The following ERC2 variants were observed in gnomAD, a reference collection of about 807,000 sequenced individuals.
The protein encoded by ERC2 is ELKS/RAB6-interacting/CAST family member 2, also known as ERC protein 2.
Under a neutral mutation model 114.8 loss-of-function variants are expected in ERC2, and 42 were observed. That is an observed-to-expected ratio of 0.37 (90% CI 0.29 to 0.47). ERC2 has a LOEUF of 0.47. Ranked by LOEUF, ERC2 falls within the 20% of genes least tolerant of loss-of-function variation. The pLI is 0.99. For missense variants in ERC2, 939 were observed against 1,150.7 expected (o/e 0.82, Z 2.66); for synonymous variants, 454 against 425.5 (o/e 1.07, Z -0.82).
chr3:55,682,142 T>C (rs1488572583), intron 17 of ERC2, among the ~76,000 whole-genome samples: 7 of 152,236 alleles, frequency 4.6e-5, no homozygotes. Context: ...TTTAGGTCAA[T>C]TGCCACTTTT....
intron 14 of ERC2, among the ~76,000 whole-genome samples, chr3:55,812,565 C>T (rs1398458489): frequency 2.0e-5 from 3 of 152,088 alleles, no homozygotes; most frequent in African/African-American, 7.2e-5. Flanking sequence ...CCACAGGGCA[C>T]CCAACTACAA....
chr3:56,187,328 G>T (rs747866826), intron 3 of ERC2, among the ~76,000 whole-genome samples: 2 of 152,146 alleles, frequency 1.3e-5, no homozygotes, highest in African/African-American at 2.4e-5. Context: ...CCAGCAAAAG[G>T]GTTGCTAGGG....
At chr3:55,587,158 TTTTC>T (rs551860518) in intron 17 of ERC2, among the ~76,000 whole-genome samples, 8 of 152,072 alleles carry the variant, frequency 5.3e-5, no homozygotes, top group East Asian at 1.9e-4. Flanking sequence ...TTCCTTTTTC[TTTTC>T]TTTCTTTCTT....
At chr3:56,284,645 A>C (rs567283011) in intron 3 of ERC2, among the ~76,000 whole-genome samples, 112 of 152,190 alleles carry the variant, frequency 7.4e-4, no homozygotes, top group Non-Finnish European at 1.4e-3. Context: ...CAGGGATGAC[A>C]ACCTTTACTG....
rs79797732 is a variant in ERC2 at position 56,351,641 on chromosome 3, C to T, written c.658-55206G>A. On this transcript the variant is annotated intron_variant, in intron 2 of 17. Transcript: ENST00000288221. ...GATGTGAAGAGGAAGGAGGTTCACA[C>T]TCAGAAAGGCAGGAGAACTATTTTG... Among the ~76,000 whole-genome samples the T allele has an allele frequency of 8.9e-3, 1,355 of 152,342 alleles. 19 individuals carry two copies. Among genetic ancestry groups the T allele is most frequent in the African/African-American group, 0.029 (1,202 of 41,578 alleles).
intron 1 of ERC2, among the ~76,000 whole-genome samples, chr3:56,438,485 C>T (rs919355217): frequency 1.3e-5 from 2 of 152,140 alleles, no homozygotes; most frequent in Admixed American, 6.5e-5. Context: ...CAGTGATTGG[C>T]CTTCTGTGCA....
intron 14 of ERC2, among the ~76,000 whole-genome samples, chr3:55,737,669 G>T (rs1041601539): frequency 3.9e-5 from 6 of 152,240 alleles, no homozygotes; most frequent in African/African-American, 1.4e-4. Flanking sequence ...GACATATGCA[G>T]GTATTTAAAA....
intron 2 of ERC2, among the ~76,000 whole-genome samples, chr3:56,349,432 A>G (rs534630872): frequency 6.4e-4 from 98 of 152,366 alleles, no homozygotes; most frequent in Middle Eastern, 3.4e-3. Flanking sequence ...TATAATTACC[A>G]GATGTGAACT....
intron 17 of ERC2, among the ~76,000 whole-genome samples, chr3:55,523,910 A>T (rs1192874155): frequency 1.3e-5 from 2 of 152,250 alleles, no homozygotes. Context: ...CATAAGCACT[A>T]AAAGTGAGAG....
intron 2 of ERC2, among the ~76,000 whole-genome samples, chr3:56,356,751 T>C (rs1423761482): frequency 6.6e-6 from 1 of 152,138 alleles, no homozygotes; most frequent in Non-Finnish European, 1.5e-5. Flanking sequence ...CTCACAATAT[T>C]CTCTGGATAC....
intron 14 of ERC2, among the ~76,000 whole-genome samples, chr3:55,885,283 A>G (rs1464914499): frequency 6.6e-6 from 1 of 152,228 alleles, no homozygotes; most frequent in African/African-American, 2.4e-5. Context: ...TCAAGTAACC[A>G]GTGTGTCAAT....
intron 2 of ERC2, among the ~76,000 whole-genome samples, chr3:56,311,255 CTATATATATATATATA>C (rs67320179): frequency 1.3e-5 from 1 of 79,076 alleles, no homozygotes; most frequent in Admixed American, 1.5e-4. Context: ...CTCTCTCTCT[CTATATATATATATATA>C]TATATATATA....
chr3:55,662,128 G>C (rs1212717201), intron 17 of ERC2, among the ~76,000 whole-genome samples: 1 of 152,216 alleles, frequency 6.6e-6, no homozygotes. Flanking sequence ...GGAAACTCAA[G>C]ACTCAGATTG....
intron 6 of ERC2, 57 bp downstream of exon 6, chr3:56,139,452 G>A: frequency 6.5e-7 from 1 of 1,543,678 alleles, no homozygotes; most frequent in African/African-American, 1.4e-5. Context: ...GTTCAGGTAG[G>A]GCAATTTCTA....
chr3:55,679,308 G>T (rs2061951551), intron 17 of ERC2, among the ~76,000 whole-genome samples: 1 of 152,128 alleles, frequency 6.6e-6, no homozygotes, highest in South Asian at 2.1e-4. Context: ...TGCACGCCTT[G>T]GCATGGATAC....
At chr3:55,921,493 T>C (rs1465679116) in intron 13 of ERC2, among the ~76,000 whole-genome samples, 1 of 152,122 alleles carries the variant, frequency 6.6e-6, no homozygotes, top group Admixed American at 6.6e-5. Flanking sequence ...GAATTCTCAA[T>C]ATGACAGTTC....
chr3:55,927,165 T>C (rs891550520), intron 13 of ERC2, among the ~76,000 whole-genome samples: 1 of 152,166 alleles, frequency 6.6e-6, no homozygotes, highest in Non-Finnish European at 1.5e-5. Flanking sequence ...ATTCCTAAAC[T>C]GTTCCCCAGA....
At chr3:56,104,035 T>C (rs2149811395) in intron 6 of ERC2, among the ~76,000 whole-genome samples, 1 of 152,298 alleles carries the variant, frequency 6.6e-6, no homozygotes, top group South Asian at 2.1e-4. Flanking sequence ...AATGAATTAA[T>C]GAATGAACAA....
chr3:55,853,454 G>A (rs756301201), intron 14 of ERC2, among the ~76,000 whole-genome samples: 22 of 152,106 alleles, frequency 1.4e-4, no homozygotes, highest in Non-Finnish European at 2.6e-4. Context: ...GAGCCCAGGA[G>A]GTTGAGGCTG....
Sources: gnomAD v4.1 joint callset for allele counts (sites outside exome capture counted in the v4.1 genomes callset) on GRCh38, gnomAD v4.1.1 for gene constraint, MANE v1.5 for transcripts, NCBI Gene and HGNC (gene_info 2026-07-23, HGNC 2026-07-21) for gene names.